The following ALKBH8 variants were observed in gnomAD, a reference collection of about 807,000 sequenced individuals.
ALKBH8 encodes tRNA (carboxymethyluridine(34)-5-O)-methyltransferase ALKBH8.
A neutral mutation model predicts 59.8 loss-of-function variants in ALKBH8; 36 were observed. The ratio of observed to expected loss-of-function variants is 0.60; its 90% CI spans 0.46 to 0.79. The LOEUF (loss-of-function observed/expected upper bound fraction) is 0.79, where lower values mean the gene tolerates loss of function less well. Among genes scored for constraint, ALKBH8 ranks in the 30% least tolerant of loss-of-function variants. The pLI is 0.00. For synonymous variants in ALKBH8, 276 were observed against 273.6 expected (o/e 1.01, Z -0.09); for missense variants, 768 against 801.0 (o/e 0.96, Z 0.50).
intron 8 of ALKBH8, among the ~76,000 whole-genome samples, chr11:107,530,609 ACACACAC>A (rs1565328334): frequency 1.4e-3 from 37 of 25,618 alleles, no homozygotes; most frequent in East Asian, 4.6e-3. Context: ...TAACACACAC[ACACACAC>A]ACACACACAC....
Position 107,504,823 on chromosome 11 carries a change from T to C in ALKBH8, c.1830A>G (p.Pro610=), listed in dbSNP as rs376415461. Residue 610 remains proline, a synonymous_variant, in exon 12 of 12, where the codon CCA becomes CCG. Transcript: ENST00000428149. ...GGTCCTGGGATCCTATGGGACCAAA[T>C]GGCTCAACAGGTTTGCCTTTATCAG... The part of the protein sequence containing the change: ...GNPDKGKPVE[P]FGPIGSQDPS... The C allele has an allele frequency of 1.9e-6, 3 of 1,551,706 alleles. No individual in the cohort carries two copies. The highest frequency in any genetic ancestry group is 2.6e-6 in the Non-Finnish European group (3 of 1,147,020).
intron 10 of ALKBH8, 25 bp downstream of exon 10, chr11:107,522,274 G>C: frequency 6.5e-7 from 1 of 1,548,064 alleles, no homozygotes; most frequent in South Asian, 1.2e-5. Context: ...TAAGCAAAAA[G>C]AAAGTCAAAA....
At position 107,504,125 on chromosome 11, in the gene ALKBH8, C is replaced by G. The variant is rs1157969196; in HGVS notation, c.*533G>C. On this transcript the variant is annotated 3_prime_UTR_variant, in exon 12 of 12. Transcript: ENST00000428149. ...TTTTGAATGAAACTCCTACTAAGTT[C>G]TGGGTATTATCTGATTGACTAAACG... 5.6e-6 allele frequency: 1 copy of G among 178,584 alleles called. No individual in the cohort carries two copies. Among genetic ancestry groups the G allele is most frequent in the Non-Finnish European group, 1.2e-5 (1 of 86,510 alleles). 11.1% of individuals were successfully genotyped at this position (178,584 alleles called of 1,614,324 possible).
intron 7 of ALKBH8, among the ~76,000 whole-genome samples, chr11:107,546,261 C>A (rs1310467994): frequency 6.6e-6 from 1 of 152,018 alleles, no homozygotes; most frequent in African/African-American, 2.4e-5. Flanking sequence ...ATCAGCTGAC[C>A]AACTCTTACG....
intron 7 of ALKBH8, among the ~76,000 whole-genome samples, chr11:107,541,036 G>C (rs1193083570): frequency 2.0e-5 from 3 of 152,080 alleles, no homozygotes; most frequent in Non-Finnish European, 4.4e-5. Context: ...GATTCACAAA[G>C]AACCAAAATG....
chr11:107,505,311 A>G, intron 11 of ALKBH8, 96 bp from the exon 12 acceptor site: 1 of 876,240 alleles, frequency 1.1e-6, no homozygotes, highest in Admixed American at 3.1e-5. Flanking sequence ...AGGATGAACA[A>G]TAAGAATATC....
chr11:107,546,900 G>A (rs951607846), intron 7 of ALKBH8, among the ~76,000 whole-genome samples: 1 of 152,008 alleles, frequency 6.6e-6, no homozygotes, highest in African/African-American at 2.4e-5. Flanking sequence ...TACAAATAAA[G>A]CATTTTAAGT....
intron 7 of ALKBH8, among the ~76,000 whole-genome samples, chr11:107,539,127 A>G (rs1181066107): frequency 1.3e-5 from 2 of 152,234 alleles, no homozygotes; most frequent in African/African-American, 4.8e-5. Context: ...TGATACCCGC[A>G]GAAGTACACT....
At position 107,514,364 on chromosome 11, in the gene ALKBH8, G is replaced by A. The variant is rs894204589; in HGVS notation, c.1288-3328C>T. Reference sequence around the variant, plus strand: ...TGAGTTAAATCACATTGCCATACTAGTCATACTTAATGAGTTTGCTCAATT... The same window carrying A: ...TGAGTTAAATCACATTGCCATACTAATCATACTTAATGAGTTTGCTCAATT... On this transcript the variant is annotated intron_variant, in intron 10 of 11. Transcript: ENST00000428149. 2.0e-5 allele frequency among the ~76,000 whole-genome samples: 3 copies of A among 152,144 alleles called. No individual in the cohort carries two copies. The East Asian group carries it at 5.8e-4, about 29-fold the overall frequency.
At position 107,522,759 on chromosome 11, in the gene ALKBH8, T is replaced by TC. The variant is rs200153649; in HGVS notation, c.1031-205dup. The stretch of plus-strand genomic sequence containing the variant: ...GGGCCAAGGCTGCAGTGAGCTATGA[T>TC]CGTGCTATTGCACTCCAGCACAGGT... On this transcript the variant is annotated intron_variant, in intron 9 of 11. Coordinates refer to ENST00000428149, the MANE Select transcript of ALKBH8 (RefSeq NM_138775.3). Among the ~76,000 whole-genome samples the TC allele has an allele frequency of 1.0e-3, 153 of 152,216 alleles. 3 individuals are homozygous for TC. In the East Asian group the frequency reaches 0.028, roughly 28 times the overall value.
chr11:107,523,140 C>T (rs146051434), intron 9 of ALKBH8, among the ~76,000 whole-genome samples: 147 of 152,054 alleles, frequency 9.7e-4, no homozygotes, highest in East Asian at 4.3e-3. Flanking sequence ...GAAATTAGTA[C>T]GTCAGAAAGA....
chr11:107,541,775 G>GA (rs939787520), intron 7 of ALKBH8, among the ~76,000 whole-genome samples: 1 of 151,868 alleles, frequency 6.6e-6, no homozygotes, highest in Non-Finnish European at 1.5e-5. Flanking sequence ...AGGGGAAACA[G>GA]AAAAAAATCA....
At position 107,532,311 on chromosome 11, in the gene ALKBH8, A is replaced by G; in HGVS notation, c.867T>C (p.Leu289=). 1.2e-6 allele frequency: 2 copies of G among 1,612,166 alleles called. No individual in the cohort carries two copies. The highest frequency in any genetic ancestry group is 1.7e-6 in the Non-Finnish European group (2 of 1,178,496). Residue 289 remains leucine (L), a synonymous_variant, in exon 8 of 12, where the codon CTT becomes CTC. Transcript: ENST00000428149. ...LLVMTGESRY[L]WTHGITCRKF... ...ATTTCAATACATACCCATGGGTCCA[A>G]AGGTATCTAGATTCTCCTGTCATCA...
intron 10 of ALKBH8, among the ~76,000 whole-genome samples, chr11:107,514,201 A>G (rs1862761386): frequency 6.6e-6 from 1 of 152,196 alleles, no homozygotes; most frequent in Non-Finnish European, 1.5e-5. Flanking sequence ...AAAAAACAGT[A>G]TTTTTATTAA....
At position 107,510,903 on chromosome 11, in the gene ALKBH8, T is replaced by G; in HGVS notation, c.1421A>C (p.His474Pro). ...CDACISIAVI[H>P]HFATAERRVA... Reference sequence around the variant, plus strand: ...CATACTTACTGCTGTTGCAAAATGATGAATAACAGCAATGGAGATGCAGGC... The same window carrying G: ...CATACTTACTGCTGTTGCAAAATGAGGAATAACAGCAATGGAGATGCAGGC... Residue 474 changes from histidine to proline, a missense_variant, in exon 11 of 12, where the codon CAT (histidine) becomes CCT (proline). Physicochemically the swap from His to Pro is moderately conservative, Grantham distance 77. Coordinates refer to ENST00000428149, the MANE Select transcript of ALKBH8 (RefSeq NM_138775.3). The G allele has an allele frequency of 1.3e-6, 2 of 1,551,424 alleles. No homozygotes were observed. The highest frequency in any genetic ancestry group is 1.7e-6 in the Non-Finnish European group (2 of 1,146,860).
At chr11:107,554,061 A>C in intron 3 of ALKBH8, 83 bp from the exon 4 acceptor site, 1 of 1,510,214 alleles carries the variant, frequency 6.6e-7, no homozygotes, top group Admixed American at 2.3e-5. Context: ...ACTCTTTATC[A>C]GTTCACAAAA....
rs1591233611 is a variant in ALKBH8, at chr11:107,504,582, A to G, written c.*76T>C. 6 of 1,492,830 alleles carry G rather than the reference A, an allele frequency of 4.0e-6. No individual in the cohort carries two copies. In the African/African-American group the frequency reaches 5.6e-5, roughly 14 times the overall value. The allele number at this position is 1,492,830 out of a possible 1,614,324, so 92.5% of individuals were successfully genotyped here. On this transcript the variant is annotated 3_prime_UTR_variant, in exon 12 of 12. Coordinates refer to ENST00000428149, the MANE Select transcript of ALKBH8 (RefSeq NM_138775.3). Reference sequence around the variant, plus strand: ...TCCCACAAGTTTTCTCTTTAATTAAAAGGGTAATTAATTTATTCTCTCTTT... The same window carrying G: ...TCCCACAAGTTTTCTCTTTAATTAAGAGGGTAATTAATTTATTCTCTCTTT...
chr11:107,562,252 T>A (rs937488864), intron 1 of ALKBH8, among the ~76,000 whole-genome samples: 1 of 148,860 alleles, frequency 6.7e-6, no homozygotes, highest in Non-Finnish European at 1.5e-5. Flanking sequence ...TGAGCCAAGA[T>A]CATGCTACTA....
intron 6 of ALKBH8, among the ~76,000 whole-genome samples, chr11:107,551,450 T>G (rs966419758): frequency 2.6e-5 from 4 of 152,060 alleles, no homozygotes; most frequent in Admixed American, 6.6e-5. Flanking sequence ...TCCCAGCACT[T>G]TGGGAGGCTG....
Sources: gnomAD v4.1 joint callset for allele counts (sites outside exome capture counted in the v4.1 genomes callset) on GRCh38, gnomAD v4.1.1 for gene constraint, MANE v1.5 for transcripts, NCBI Gene and HGNC (gene_info 2026-07-23, HGNC 2026-07-21) for gene names.